IFT74: variants seen among roughly 807,000 people sequenced by gnomAD.
The protein encoded by IFT74 is intraflagellar transport 74.
IFT74 carries 92 observed loss-of-function variants against 96.7 expected under a neutral mutation model. The observed-to-expected ratio is 0.95, with a 90% CI of 0.80 to 1.13. The LOEUF (loss-of-function observed/expected upper bound fraction) is 1.13. Ranked by LOEUF, IFT74 falls within the 50% of genes most tolerant of loss-of-function variation. The pLI is 0.00. For synonymous variants in IFT74, 223 were observed against 213.2 expected (o/e 1.05, Z -0.40); for missense variants, 811 against 698.2 (o/e 1.16, Z -1.82).
intron 12 of IFT74, among the ~76,000 whole-genome samples, chr9:27,027,083 CAAGAA>C (rs1476980242): frequency 6.6e-6 from 1 of 151,870 alleles, no homozygotes; most frequent in Admixed American, 6.6e-5. Flanking sequence ...CAAGATTAAT[CAAGAA>C]AAGAAGAGAA....
intron 12 of IFT74, among the ~76,000 whole-genome samples, chr9:27,023,704 A>G (rs2131632168): frequency 6.6e-6 from 1 of 152,152 alleles, no homozygotes; most frequent in South Asian, 2.1e-4. Flanking sequence ...CTCTTTCTCT[A>G]TCTTTTGGAA....
intron 2 of IFT74, among the ~76,000 whole-genome samples, chr9:26,973,737 C>T (rs775211344): frequency 2.0e-5 from 3 of 151,966 alleles, no homozygotes; most frequent in Non-Finnish European, 4.4e-5. Flanking sequence ...CTCCTTTTAC[C>T]CCAGTTCTTC....
In IFT74 at chr9:26,995,709, C is replaced by T. The variant is rs761070383; in HGVS notation, c.587+5514C>T. On this transcript the variant is annotated intron_variant, in intron 8 of 19. Coordinates refer to ENST00000380062, the MANE Select transcript of IFT74 (RefSeq NM_025103.4). The stretch of plus-strand genomic sequence containing the variant: ...TCATAGGTTTCTGCTTCATGCTCTT[C>T]CAGGCGATGATGATTATAACTAAGC... The T allele has an allele frequency of 1.1e-5, 17 of 1,613,828 alleles. No individual in the cohort carries two copies. The South Asian group carries it at 1.9e-4, about 18-fold the overall frequency.
intron 8 of IFT74, among the ~76,000 whole-genome samples, chr9:26,991,753 C>T (rs1352914506): frequency 6.6e-6 from 1 of 151,870 alleles, no homozygotes; most frequent in East Asian, 1.9e-4. Context: ...AGCTATAGGC[C>T]AGTGTGGTGG....
chr9:27,021,652 C>G (rs1829609126), intron 12 of IFT74, among the ~76,000 whole-genome samples: 1 of 152,034 alleles, frequency 6.6e-6, no homozygotes, highest in African/African-American at 2.4e-5. Flanking sequence ...TATTCATGTC[C>G]TTAGCCCACT....
At chr9:26,987,081 G>T (rs72703105) in intron 6 of IFT74, among the ~76,000 whole-genome samples, 15,695 of 151,846 alleles carry the variant, frequency 0.1, 1,903 homozygotes, top group East Asian at 0.67. Flanking sequence ...ATGGAGTCTC[G>T]CTCTGTCATC....
chr9:27,048,096 A>G, intron 15 of IFT74, 52 bp from the exon 16 acceptor site: 1 of 1,340,296 alleles, frequency 7.5e-7, no homozygotes, highest in Non-Finnish European at 1.0e-6. Context: ...TTTTATTGAG[A>G]ACTAACTAAA....
At chr9:26,976,781 C>T (rs1362501959) in intron 2 of IFT74, 1 of 455,880 alleles carries the variant, frequency 2.2e-6, no homozygotes, top group Non-Finnish European at 4.4e-6. Flanking sequence ...CTTCTCATGC[C>T]TGTATGTATT....
At chr9:27,039,341 G>A (rs1819363783) in intron 13 of IFT74, among the ~76,000 whole-genome samples, 1 of 152,172 alleles carries the variant, frequency 6.6e-6, no homozygotes, top group Non-Finnish European at 1.5e-5. Context: ...AGAAGAGCCA[G>A]AGTTTTGATG....
intron 6 of IFT74, among the ~76,000 whole-genome samples, chr9:26,986,390 G>T (rs544488948): frequency 6.7e-6 from 1 of 150,136 alleles, no homozygotes; most frequent in African/African-American, 2.5e-5. Flanking sequence ...ATCATGGCTC[G>T]CTGCAGCCTA....
rs1228760884 is a variant in IFT74 at position 26,948,444 on chromosome 9, C to CATTATTATTATTATT, written c.-20+1304_-20+1305insATTATTATTATTATT. Among the ~76,000 whole-genome samples the CATTATTATTATTATT allele has an allele frequency of 7.3e-4, 59 of 81,000 alleles. 1 individual carries two copies. Among genetic ancestry groups the CATTATTATTATTATT allele is most frequent in the South Asian group, 1.2e-3 (3 of 2,502 alleles). The allele number at this position is 81,000 out of a possible 152,430, so 53.1% of individuals were successfully genotyped here. ...TGTTTGACAACCTGTGATGGCTTTC[C>CATTATTATTATTATT]ATTATTTTTTTTTTTTTTTTTTTTT... On this transcript the variant is annotated intron_variant, in intron 1 of 19. Transcript: ENST00000433700.
At chr9:27,021,152 T>C (rs1365579988) in intron 12 of IFT74, among the ~76,000 whole-genome samples, 1 of 152,108 alleles carries the variant, frequency 6.6e-6, no homozygotes, top group African/African-American at 2.4e-5. Context: ...TGTATGTATA[T>C]GTATAAATAT....
At chr9:27,023,134 T>C (rs1224795079) in intron 12 of IFT74, among the ~76,000 whole-genome samples, 1 of 152,196 alleles carries the variant, frequency 6.6e-6, no homozygotes, top group Middle Eastern at 3.2e-3. Flanking sequence ...TCTTTACTGA[T>C]GTAGATGCCC....
At chr9:26,982,457 T>TC in intron 4 of IFT74, 1 of 366,818 alleles carries the variant, frequency 2.7e-6, no homozygotes, top group East Asian at 8.7e-5. Context: ...TTGTATTTTT[T>TC]TTTTTTTTTT....
chr9:27,024,225 G>A lies in IFT74; in HGVS notation c.975-4800G>A, dbSNP rs545671012. Among the ~76,000 whole-genome samples, 21 of 152,264 alleles carry A rather than the reference G, an allele frequency of 1.4e-4. 1 individual carries two copies. Among genetic ancestry groups the A allele is most frequent in the Admixed American group, 1.1e-3 (17 of 15,288 alleles). ...CCAGCATTCAAGAAAACCAGTGCACGAAACAAAACTACAACCAAGAACTCT... is the reference window on the plus strand; with the variant it reads ...CCAGCATTCAAGAAAACCAGTGCACAAAACAAAACTACAACCAAGAACTCT... On this transcript the variant is annotated intron_variant, in intron 12 of 19. Coordinates refer to ENST00000380062, the MANE Select transcript of IFT74 (RefSeq NM_025103.4).
At chr9:27,004,536 C>A (rs1239025045) in intron 8 of IFT74, among the ~76,000 whole-genome samples, 2 of 152,212 alleles carry the variant, frequency 1.3e-5, no homozygotes, top group East Asian at 3.9e-4. Flanking sequence ...CATTTGCTAG[C>A]ATTATTGGGT....
chr9:27,045,872 T>C (rs536225275), intron 14 of IFT74, among the ~76,000 whole-genome samples: 2 of 152,260 alleles, frequency 1.3e-5, no homozygotes, highest in East Asian at 3.9e-4. Flanking sequence ...TTAAGTCTTT[T>C]GGTAAAGGAG....
intron 8 of IFT74, 124 bp from the exon 9 acceptor site, chr9:27,008,896 C>A: frequency 2.7e-6 from 2 of 729,064 alleles, no homozygotes; most frequent in Non-Finnish European, 4.2e-6. Context: ...AAAGACTTTT[C>A]AGTCACACAC....
intron 3 of IFT74, among the ~76,000 whole-genome samples, chr9:26,979,131 A>T (rs1827249815): frequency 6.6e-6 from 1 of 150,636 alleles, no homozygotes; most frequent in African/African-American, 2.4e-5. Context: ...ACAGTATATC[A>T]TCCCTTTCAA....
Sources: allele counts gnomAD v4.1 joint callset (sites outside exome capture counted in the v4.1 genomes callset), GRCh38; gene constraint gnomAD v4.1.1; transcripts MANE v1.5; gene names NCBI Gene and HGNC (gene_info 2026-07-23, HGNC 2026-07-21).